Variants in CNOT6L observed in about 807,000 individuals in gnomAD.
CNOT6L encodes CCR4-NOT transcription complex subunit 6-like.
In CNOT6L, 7 loss-of-function variants were observed where a neutral mutation model predicts 64.0. That is an observed-to-expected ratio of 0.11 (90% CI 0.06 to 0.21). The LOEUF (loss-of-function observed/expected upper bound fraction) is 0.21, where lower values mean the gene tolerates loss of function less well. CNOT6L is among the 10% of genes least tolerant of loss of function. CNOT6L has a pLI of 1.00. For synonymous variants in CNOT6L, 193 were observed against 243.4 expected (o/e 0.79, Z 1.93); for missense variants, 245 against 669.0 (o/e 0.37, Z 6.99).
chr4:77,804,908 A>G (rs947587250), intron 1 of CNOT6L, among the ~76,000 whole-genome samples: 2 of 152,212 alleles, frequency 1.3e-5, no homozygotes, highest in African/African-American at 4.8e-5. Context: ...TGGTTATGTA[A>G]GTATATATTG....
Position 77,776,348 on chromosome 4 carries a change from C to T in CNOT6L, c.50G>A (p.Arg17His), listed in dbSNP as rs1478808427. 15 of 1,609,758 alleles carry T rather than the reference C, an allele frequency of 9.3e-6. No individual in the cohort carries two copies. The highest frequency in any genetic ancestry group is 1.2e-5 in the Non-Finnish European group (14 of 1,177,958). Residue 17 changes from arginine to histidine, a missense_variant, in exon 2 of 12, where the codon CGC (arginine) becomes CAC (histidine). Arg to His is a conservative substitution (Grantham distance 29). This residue lies in a region of CNOT6L where 78 missense variants were observed against 137.6 expected (regional missense o/e 0.57). Coordinates refer to ENST00000504123, the MANE Select transcript of CNOT6L (RefSeq NM_144571.3). Reference protein sequence around the residue: ...PKEKYDPPDPRRIYTIMSAEE... With the variant: ...PKEKYDPPDPHRIYTIMSAEE... ...TGCTGACATGATGGTATAAATTCTGCGAGGATCTGGAGGATCATATTTTTC... is the reference window on the plus strand; with the variant it reads ...TGCTGACATGATGGTATAAATTCTGTGAGGATCTGGAGGATCATATTTTTC...
At chr4:77,731,619 T>G in intron 8 of CNOT6L, 81 bp from the exon 9 acceptor site, 2 of 987,372 alleles carry the variant, frequency 2.0e-6, no homozygotes, top group Non-Finnish European at 2.9e-6. Context: ...TGACATGCAT[T>G]GTCTCCCTTG....
intron 1 of CNOT6L, among the ~76,000 whole-genome samples, chr4:77,817,242 TA>T (rs1170672164): frequency 6.6e-6 from 1 of 152,158 alleles, no homozygotes; most frequent in African/African-American, 2.4e-5. Flanking sequence ...TAAGTATGAC[TA>T]TTTTTATAAA....
chr4:77,803,239 C>T (rs941551608), intron 1 of CNOT6L, among the ~76,000 whole-genome samples: 2 of 151,856 alleles, frequency 1.3e-5, no homozygotes, highest in African/African-American at 4.8e-5. Flanking sequence ...AAATTATCTC[C>T]ACTATAATTA....
chr4:77,778,586 A>G (rs772965623), intron 1 of CNOT6L, among the ~76,000 whole-genome samples: 4 of 151,884 alleles, frequency 2.6e-5, no homozygotes, highest in Non-Finnish European at 5.9e-5. Flanking sequence ...TTGTATTTTT[A>G]GTAGAGATGG....
At chr4:77,819,410 T>G, upstream of CNOT6L, 13 of 1,583,108 alleles carry the variant, frequency 8.2e-6, no homozygotes, top group Admixed American at 1.7e-5. Context: ...CCACAGATGC[T>G]TCCCCTCCAG....
intron 8 of CNOT6L, among the ~76,000 whole-genome samples, chr4:77,734,008 A>G (rs1294359415): frequency 6.6e-6 from 1 of 152,164 alleles, no homozygotes; most frequent in Non-Finnish European, 1.5e-5. Context: ...GAACAACTCA[A>G]GTTTACCCAA....
At chr4:77,783,370 G>C (rs567544960) in intron 1 of CNOT6L, among the ~76,000 whole-genome samples, 1 of 152,304 alleles carries the variant, frequency 6.6e-6, no homozygotes, top group Non-Finnish European at 1.5e-5. Flanking sequence ...CCCGCATGGA[G>C]CATATACTGT....
intron 1 of CNOT6L, among the ~76,000 whole-genome samples, chr4:77,818,746 G>A (rs1381902226): frequency 6.6e-6 from 1 of 151,984 alleles, no homozygotes; most frequent in African/African-American, 2.4e-5. Context: ...CCGAGGCAGC[G>A]CCGTGGGCTC....
chr4:77,715,204 G>A lies in CNOT6L; in HGVS notation c.*5227C>T, dbSNP rs1028202753. ...AGGCACCAAACTAGAGCCTCCGAAA[G>A]ATTCTGAAAGCTGAATGGACCATGC... is the stretch of plus-strand genomic sequence containing the variant. On this transcript the variant is annotated 3_prime_UTR_variant, in exon 12 of 12. Coordinates refer to ENST00000504123, the MANE Select transcript of CNOT6L (RefSeq NM_144571.3). The A allele has an allele frequency of 1.3e-5, 2 of 152,084 alleles. No homozygotes were observed. Among genetic ancestry groups the A allele is most frequent in the Non-Finnish European group, 2.9e-5 (2 of 68,000 alleles). 9.4% of individuals were successfully genotyped at this position (152,084 alleles called of 1,614,324 possible).
chr4:77,812,455 A>G (rs1050186052), intron 1 of CNOT6L, among the ~76,000 whole-genome samples: 2 of 151,528 alleles, frequency 1.3e-5, no homozygotes, highest in African/African-American at 4.9e-5. Flanking sequence ...AAAGAAAAAA[A>G]AAACTATTAG....
chr4:77,808,491 AAAG>A (rs1182860584), intron 1 of CNOT6L, among the ~76,000 whole-genome samples: 1 of 151,020 alleles, frequency 6.6e-6, no homozygotes, highest in Non-Finnish European at 1.5e-5. Context: ...AGAGAAGAGA[AAAG>A]AAGAGAAGCT....
At chr4:77,742,012 G>T (rs1723653302) in intron 8 of CNOT6L, 129 bp downstream of exon 8, 3 of 776,144 alleles carry the variant, frequency 3.9e-6, no homozygotes, top group Middle Eastern at 2.4e-4. Context: ...ATTAACAACA[G>T]TTTTAAGTTG....
chr4:77,776,828 C>T (rs974567033), intron 1 of CNOT6L, among the ~76,000 whole-genome samples: 1 of 152,164 alleles, frequency 6.6e-6, no homozygotes, highest in Non-Finnish European at 1.5e-5. Flanking sequence ...AGATTTAGTT[C>T]AGGAGTATCT....
At chr4:77,797,401 A>G (rs984636926) in intron 1 of CNOT6L, among the ~76,000 whole-genome samples, 16 of 152,116 alleles carry the variant, frequency 1.1e-4, no homozygotes, top group Non-Finnish European at 5.9e-5. Context: ...GTGTGATGAA[A>G]TCTCCTGCTG....
intron 4 of CNOT6L, among the ~76,000 whole-genome samples, chr4:77,772,191 T>C (rs1727630470): frequency 1.3e-5 from 2 of 152,252 alleles, no homozygotes; most frequent in Non-Finnish European, 2.9e-5. Flanking sequence ...AAGCTAAACA[T>C]GAGGCATTCT....
intron 1 of CNOT6L, among the ~76,000 whole-genome samples, chr4:77,778,862 G>A (rs1214611066): frequency 3.3e-5 from 5 of 151,324 alleles, no homozygotes; most frequent in African/African-American, 1.2e-4. Context: ...GGCTAACACG[G>A]TGAAACCCCG....
At chr4:77,778,114 C>T (rs1033420158) in intron 1 of CNOT6L, among the ~76,000 whole-genome samples, 3 of 152,056 alleles carry the variant, frequency 2.0e-5, no homozygotes, top group Non-Finnish European at 4.4e-5. Context: ...GATCATTTTC[C>T]GCAGGAGAAA....
chr4:77,812,437 C>CAAA (rs373562459), intron 1 of CNOT6L, among the ~76,000 whole-genome samples: 6,081 of 126,284 alleles, frequency 0.048, 182 homozygotes, highest in African/African-American at 0.077. Context: ...GACTCCATCT[C>CAAA]AAAAAAAAAA....
Sources: gnomAD v4.1 joint callset for allele counts (sites outside exome capture counted in the v4.1 genomes callset) on GRCh38, gnomAD v4.1.1 for gene constraint, gnomAD v4.1.1 regional missense constraint, MANE v1.5 for transcripts, NCBI Gene and HGNC (gene_info 2026-07-23, HGNC 2026-07-21) for gene names.